Variants in MPP7 observed in about 807,000 individuals in gnomAD.
MPP7 encodes MAGUK p55 subfamily member 7.
In MPP7, 60 loss-of-function variants were observed where a neutral mutation model predicts 76.5. That is an observed-to-expected ratio of 0.78 (90% CI 0.64 to 0.97). The LOEUF (loss-of-function observed/expected upper bound fraction) is 0.97. Ranked by LOEUF, MPP7 falls within the 50% of genes least tolerant of loss-of-function variation. MPP7 has a pLI of 0.00. For missense variants in MPP7, 641 were observed against 694.0 expected, an observed-to-expected ratio of 0.92 and a Z score of 0.86; for synonymous variants, 237 against 244.5, an observed-to-expected ratio of 0.97 and a Z score of 0.29.
intron 12 of MPP7, among the ~76,000 whole-genome samples, chr10:28,083,255 TAC>T (rs915078657): frequency 2.0e-5 from 3 of 152,166 alleles, no homozygotes; most frequent in African/African-American, 7.2e-5. Flanking sequence ...GAGTAAGGAA[TAC>T]AAAGAAGAAA....
At chr10:28,231,206 TA>T (rs1394706615) in intron 2 of MPP7, among the ~76,000 whole-genome samples, 1 of 151,642 alleles carries the variant, frequency 6.6e-6, no homozygotes, top group African/African-American at 2.4e-5. Flanking sequence ...CTTATGTGAA[TA>T]TTTTTTTAAT....
chr10:28,166,399 AATTTTT>A, intron 3 of MPP7, among the ~76,000 whole-genome samples: 1 of 132,548 alleles, frequency 7.5e-6, no homozygotes, highest in Admixed American at 8.1e-5. Context: ...TTTACCTTTT[AATTTTT>A]TTTTTTTTTT....
chr10:28,216,691 A>C (rs1352460223), intron 2 of MPP7, among the ~76,000 whole-genome samples: 1 of 152,222 alleles, frequency 6.6e-6, no homozygotes, highest in Non-Finnish European at 1.5e-5. Flanking sequence ...GCTATGGCAT[A>C]CAGATGTGGG....
intron 5 of MPP7, among the ~76,000 whole-genome samples, chr10:28,142,872 A>G (rs1835567928): frequency 6.6e-6 from 1 of 152,222 alleles, no homozygotes; most frequent in African/African-American, 2.4e-5. Context: ...GCTGGAAACA[A>G]TGATCAAAAC....
At chr10:28,131,307 T>C (rs1329381224) in intron 6 of MPP7, among the ~76,000 whole-genome samples, 1 of 152,220 alleles carries the variant, frequency 6.6e-6, no homozygotes. Context: ...CCATGCTTGG[T>C]ACATGTTACG....
rs1048471679 is a variant in MPP7 at position 28,053,762 on chromosome 10, C to A, written c.*303G>T. ...CGCTGAACTCCCATACATACTAAGC[C>A]TCTAGCTAAGTCTCTCTGAAAATTT... On this transcript the variant is annotated 3_prime_UTR_variant, in exon 17 of 17. Coordinates refer to ENST00000683449, the MANE Select transcript of MPP7 (RefSeq NM_001318170.2). 1.2e-5 allele frequency: 4 copies of A among 325,756 alleles called. No individual in the cohort carries two copies. Among genetic ancestry groups the A allele is most frequent in the Non-Finnish European group, 2.2e-5 (4 of 178,788 alleles). The allele number at this position is 325,756 out of a possible 1,614,324, so 20.2% of individuals were successfully genotyped here.
At chr10:28,258,946 A>G (rs534277628) in intron 1 of MPP7, among the ~76,000 whole-genome samples, 1 of 152,268 alleles carries the variant, frequency 6.6e-6, no homozygotes, top group African/African-American at 2.4e-5. Context: ...CAGCTGCTAA[A>G]GGGAAAAAAG....
intron 2 of MPP7, among the ~76,000 whole-genome samples, chr10:28,218,285 C>T (rs555040623): frequency 1.3e-5 from 2 of 152,184 alleles, no homozygotes; most frequent in South Asian, 2.1e-4. Flanking sequence ...AACTAGAATA[C>T]AGAGCAAAGG....
In MPP7 at chr10:28,185,982, T is replaced by G. The variant is rs933197875; in HGVS notation, c.156+16171A>C. On this transcript the variant is annotated intron_variant, in intron 3 of 16. Transcript: ENST00000683449. ...CAGCAGATCCCACAGCACTCCCTTG[T>G]TCAATTTGAGTTATTCGTCCTGTCA... Among the ~76,000 whole-genome samples the G allele has an allele frequency of 3.3e-5, 5 of 152,164 alleles. No homozygotes were observed. The South Asian group carries it at 1.0e-3, about 31-fold the overall frequency.
At chr10:28,273,200 G>A (rs1422318590) in intron 1 of MPP7, among the ~76,000 whole-genome samples, 1 of 152,182 alleles carries the variant, frequency 6.6e-6, no homozygotes, top group Non-Finnish European at 1.5e-5. Flanking sequence ...TTACAGGCGT[G>A]AGCCACCACA....
chr10:28,169,971 G>A (rs1455052495), intron 3 of MPP7, among the ~76,000 whole-genome samples: 3 of 152,002 alleles, frequency 2.0e-5, no homozygotes, highest in Non-Finnish European at 2.9e-5. Flanking sequence ...TTTAAGTGGC[G>A]ATAGAAAGCA....
intron 5 of MPP7, among the ~76,000 whole-genome samples, chr10:28,139,386 G>T (rs186250992): frequency 6.6e-6 from 1 of 152,272 alleles, no homozygotes; most frequent in East Asian, 1.9e-4. Context: ...TGAGAAGTTT[G>T]CTGTTTACTC....
At chr10:28,313,939 C>A (rs1407653133) in intron 2 of MPP7, among the ~76,000 whole-genome samples, 1 of 141,480 alleles carries the variant, frequency 7.1e-6, no homozygotes. Context: ...CTCCTGGGCT[C>A]AAGTAGTCCT....
At chr10:28,089,202 G>T (rs7898446) in intron 12 of MPP7, among the ~76,000 whole-genome samples, 51,210 of 151,878 alleles carry the variant, frequency 0.34, 11,769 homozygotes, top group East Asian at 0.95. Context: ...TGTGAGCCAC[G>T]GCACCCAGCC....
chr10:28,095,722 A>G (rs1853536957), intron 11 of MPP7, among the ~76,000 whole-genome samples: 1 of 152,212 alleles, frequency 6.6e-6, no homozygotes, highest in Non-Finnish European at 1.5e-5. Flanking sequence ...TTTCAGTGCA[A>G]AAGTTTTAGC....
At chr10:28,142,113 G>C (rs1835539816) in intron 5 of MPP7, among the ~76,000 whole-genome samples, 2 of 152,024 alleles carry the variant, frequency 1.3e-5, no homozygotes, top group Non-Finnish European at 2.9e-5. Flanking sequence ...TCATCATGAA[G>C]AATACAAGTC....
intron 2 of MPP7, among the ~76,000 whole-genome samples, chr10:28,208,362 G>T (rs1313239636): frequency 6.6e-6 from 1 of 152,146 alleles, no homozygotes; most frequent in African/African-American, 2.4e-5. Flanking sequence ...TGGCATAGCA[G>T]GACTAAAAAG....
chr10:28,306,685 A>AGAGAG (rs1554869511), upstream of MPP7, among the ~76,000 whole-genome samples: 1 of 150,174 alleles, frequency 6.7e-6, no homozygotes, highest in Non-Finnish European at 1.5e-5. Context: ...AGAGAGAGAG[A>AGAGAG]TGATAGATAA....
intron 1 of MPP7, among the ~76,000 whole-genome samples, chr10:28,251,639 C>G (rs1276402331): frequency 6.6e-6 from 1 of 152,126 alleles, no homozygotes; most frequent in Non-Finnish European, 1.5e-5. Flanking sequence ...AAGAAAGTAT[C>G]TTCATTGCAG....
Sources: allele counts gnomAD v4.1 joint callset (sites outside exome capture counted in the v4.1 genomes callset), GRCh38; gene constraint gnomAD v4.1.1; transcripts MANE v1.5; gene names NCBI Gene and HGNC (gene_info 2026-07-23, HGNC 2026-07-21).